The following TDRD12 variants were observed in gnomAD, a reference collection of about 807,000 sequenced individuals.
TDRD12 encodes putative ATP-dependent RNA helicase TDRD12.
TDRD12 carries 158 observed loss-of-function variants against 133.5 expected under a neutral mutation model. The ratio of observed to expected loss-of-function variants is 1.18; its 90% confidence interval spans 1.04 to 1.35. The LOEUF (loss-of-function observed/expected upper bound fraction) is 1.35, where lower values mean the gene tolerates loss of function less well. TDRD12 is among the 40% of genes most tolerant of loss of function. TDRD12 has a pLI of 0.00. For missense variants in TDRD12, 1,443 were observed against 1,321.3 expected (o/e 1.09, Z -1.43); for synonymous variants, 460 against 477.9 (o/e 0.96, Z 0.49).
intron 1 of TDRD12, among the ~76,000 whole-genome samples, chr19:32,721,918 A>G (rs1300302142): frequency 1.4e-5 from 2 of 141,430 alleles, no homozygotes; most frequent in Non-Finnish European, 3.0e-5. Flanking sequence ...GGGTTTCACC[A>G]TGTTAGCCAG....
At chr19:32,720,956 G>C (rs1968637622) in intron 1 of TDRD12, among the ~76,000 whole-genome samples, 2 of 151,600 alleles carry the variant, frequency 1.3e-5, no homozygotes, top group African/African-American at 4.8e-5. Context: ...TCCTCCGAAT[G>C]CTCGATCACC....
intron 6 of TDRD12, among the ~76,000 whole-genome samples, chr19:32,752,737 T>C (rs1359989064): frequency 6.6e-6 from 1 of 151,916 alleles, no homozygotes; most frequent in Non-Finnish European, 1.5e-5. Flanking sequence ...GATGCCACAA[T>C]GTTTATCATT....
intron 21 of TDRD12, among the ~76,000 whole-genome samples, chr19:32,806,815 C>A (rs1156462556): frequency 6.6e-6 from 1 of 152,026 alleles, no homozygotes; most frequent in East Asian, 1.9e-4. Context: ...GCACCTGCCA[C>A]CATGCGCAGC....
intron 3 of TDRD12, among the ~76,000 whole-genome samples, chr19:32,740,851 T>C (rs1969404413): frequency 6.6e-6 from 1 of 152,224 alleles, no homozygotes; most frequent in South Asian, 2.1e-4. Context: ...TGGCTCAGAA[T>C]GAGCTGTTGC....
At chr19:32,821,388 G>C, downstream of TDRD12, 1 of 416,608 alleles carries the variant, frequency 2.4e-6, no homozygotes, top group Non-Finnish European at 4.1e-6. Flanking sequence ...GTGTGTGTGT[G>C]TGTGTGTGTG....
At chr19:32,739,686 C>T (rs1391572456) in intron 3 of TDRD12, among the ~76,000 whole-genome samples, 2 of 125,262 alleles carry the variant, frequency 1.6e-5, no homozygotes, top group Non-Finnish European at 3.5e-5. Context: ...CTCTCTGCAT[C>T]TCCTGGGTAC....
At chr19:32,721,478 C>G (rs544158415) in intron 1 of TDRD12, among the ~76,000 whole-genome samples, 7 of 151,990 alleles carry the variant, frequency 4.6e-5, no homozygotes, top group African/African-American at 1.7e-4. Flanking sequence ...CTCCGCTTCC[C>G]GGGTTCAAGT....
chr19:32,820,300 C>G (rs78542159), intron 27 of TDRD12, among the ~76,000 whole-genome samples: 4,655 of 152,204 alleles, frequency 0.031, 202 homozygotes, highest in East Asian at 0.23. Context: ...CTTGAATTGT[C>G]TCTTCAAAGA....
At chr19:32,797,222 C>T (rs1971257936) in intron 14 of TDRD12, among the ~76,000 whole-genome samples, 1 of 152,080 alleles carries the variant, frequency 6.6e-6, no homozygotes, top group Non-Finnish European at 1.5e-5. Context: ...CTCGGGTGAT[C>T]CACCTGACTC....
intron 3 of TDRD12, among the ~76,000 whole-genome samples, chr19:32,741,778 T>C (rs1969434463): frequency 6.6e-6 from 1 of 151,968 alleles, no homozygotes; most frequent in South Asian, 2.1e-4. Flanking sequence ...CCAGGGGTGG[T>C]GGCTCACGCC....
intron 24 of TDRD12, among the ~76,000 whole-genome samples, chr19:32,812,429 C>T (rs984065653): frequency 9.2e-5 from 14 of 152,304 alleles, no homozygotes; most frequent in Non-Finnish European, 1.8e-4. Context: ...AAAGTACAAA[C>T]AGTTTGGGTT....
chr19:32,773,491 A>G, exon 10 of TDRD12: 1 of 1,551,830 alleles, frequency 6.4e-7, no homozygotes, highest in Admixed American at 2.0e-5. Flanking sequence ...CAGCAAAAAG[A>G]GGCATAACCA....
At chr19:32,741,666 G>C (rs1305926654) in intron 3 of TDRD12, among the ~76,000 whole-genome samples, 1 of 152,142 alleles carries the variant, frequency 6.6e-6, no homozygotes, top group African/African-American at 2.4e-5. Flanking sequence ...TCCCTAACCT[G>C]TCTGAGACAG....
chr19:32,760,116 A>G (rs1195815827), intron 8 of TDRD12, among the ~76,000 whole-genome samples: 1 of 152,230 alleles, frequency 6.6e-6, no homozygotes, highest in Non-Finnish European at 1.5e-5. Context: ...GTGTTTAATT[A>G]TTGCGTGGCT....
chr19:32,811,088 G>C, intron 23 of TDRD12, 122 bp from the exon 24 acceptor site: 1 of 740,342 alleles, frequency 1.4e-6, no homozygotes, highest in Non-Finnish European at 2.2e-6. Flanking sequence ...TTTATTTCTA[G>C]TATAGAGTAA....
At chr19:32,756,327 C>A in intron 7 of TDRD12, 146 bp downstream of exon 7, 1 of 673,048 alleles carries the variant, frequency 1.5e-6, no homozygotes, top group Non-Finnish European at 2.2e-6. Flanking sequence ...GGCTGTGACA[C>A]ATTGTAAGGT....
chr19:32,723,470 C>T (rs1325567322), intron 1 of TDRD12, among the ~76,000 whole-genome samples: 4 of 151,816 alleles, frequency 2.6e-5, no homozygotes, highest in East Asian at 1.9e-4. Flanking sequence ...AGGATGGTCT[C>T]GATCTCCTGA....
intron 8 of TDRD12, among the ~76,000 whole-genome samples, chr19:32,766,005 C>G (rs1374655406): frequency 6.6e-6 from 1 of 151,358 alleles, no homozygotes; most frequent in Non-Finnish European, 1.5e-5. Context: ...ATTCTTTGCT[C>G]TGAAATCTAC....
At chr19:32,765,561 A>C (rs1015965278) in intron 8 of TDRD12, among the ~76,000 whole-genome samples, 3 of 152,170 alleles carry the variant, frequency 2.0e-5, no homozygotes, top group Admixed American at 2.0e-4. Flanking sequence ...ACGCAGCCAT[A>C]AAAAGGATGA....
Sources: gnomAD v4.1 joint callset for allele counts (sites outside exome capture counted in the v4.1 genomes callset) on GRCh38, gnomAD v4.1.1 for gene constraint, MANE v1.5 for transcripts, NCBI Gene and HGNC (gene_info 2026-07-23, HGNC 2026-07-21) for gene names.